MEI1: variants seen among roughly 807,000 people sequenced by gnomAD.
MEI1 encodes meiotic double-stranded break formation protein 1.
MEI1 carries 103 observed loss-of-function variants against 146.2 expected under a neutral mutation model. The ratio of observed to expected loss-of-function variants is 0.70; its 90% CI spans 0.60 to 0.83. The LOEUF is 0.83. Among genes scored for constraint, MEI1 ranks in the 40% least tolerant of loss-of-function variants. MEI1 has a pLI of 0.00. For synonymous variants in MEI1, 652 were observed against 628.2 expected (o/e 1.04, Z -0.57); for missense variants, 1,529 against 1,533.0 (o/e 1.00, Z 0.04).
At chr22:41,764,899 G>T (rs1257599750) in intron 19 of MEI1, among the ~76,000 whole-genome samples, 1 of 152,198 alleles carries the variant, frequency 6.6e-6, no homozygotes, top group Non-Finnish European at 1.5e-5. Context: ...TCCCGCATCA[G>T]TTAACTGTGT....
chr22:41,756,083 T>C (rs2074073663), intron 17 of MEI1, among the ~76,000 whole-genome samples: 1 of 152,212 alleles, frequency 6.6e-6, no homozygotes, highest in Non-Finnish European at 1.5e-5. Context: ...TGAAGTTTTC[T>C]CTGGTCCATG....
At chr22:41,717,994 G>A (rs1044864564) in intron 5 of MEI1, 77 bp from the exon 6 acceptor site, 25 of 1,193,738 alleles carry the variant, frequency 2.1e-5, no homozygotes, top group African/African-American at 1.2e-4. Context: ...TACCCCGTTA[G>A]GAATAATAGA....
At chr22:41,786,426 G>T (rs2075988749) in intron 26 of MEI1, among the ~76,000 whole-genome samples, 1 of 152,172 alleles carries the variant, frequency 6.6e-6, no homozygotes, top group African/African-American at 2.4e-5. Context: ...GTCAATACTG[G>T]CTTCAGGCAC....
intron 15 of MEI1, 108 bp from the exon 16 acceptor site, chr22:41,752,483 A>G (rs928572732): frequency 3.0e-6 from 3 of 1,006,800 alleles, no homozygotes; most frequent in Non-Finnish European, 3.1e-6. Context: ...TTTTGAACCA[A>G]GTCTGTGTAA....
intron 30 of MEI1, among the ~76,000 whole-genome samples, chr22:41,797,539 G>T (rs1385592820): frequency 6.6e-6 from 1 of 152,046 alleles, no homozygotes; most frequent in Admixed American, 6.6e-5. Flanking sequence ...TTGAACTTGG[G>T]CGGCAGAGGT....
rs200179873 is a variant in MEI1 at position 41,737,916 on chromosome 22, AT to A, written c.1332-5163del. Among the ~76,000 whole-genome samples, 124 of 151,674 alleles carry A rather than the reference AT, an allele frequency of 8.2e-4. 4 individuals are homozygous for A. In the South Asian group the frequency reaches 0.025, roughly 30 times the overall value. On this transcript the variant is annotated intron_variant, in intron 11 of 30. Coordinates refer to ENST00000401548, the MANE Select transcript of MEI1 (RefSeq NM_152513.4). Reference sequence around the variant, plus strand: ...AGCAAGGTGCTTGAAATCTTAAAAAATAATAATAATAACCGAGGAAACCCAT... The same window carrying A: ...AGCAAGGTGCTTGAAATCTTAAAAAAAATAATAATAACCGAGGAAACCCAT...
chr22:41,729,813 A>T, intron 8 of MEI1, 34 bp downstream of exon 8: 13 of 1,389,210 alleles, frequency 9.4e-6, no homozygotes, highest in Non-Finnish European at 1.3e-5. Flanking sequence ...TCCTCCCTAT[A>T]CTAGAAGGAT....
chr22:41,761,179 C>T (rs774162838), intron 18 of MEI1, among the ~76,000 whole-genome samples: 5 of 151,924 alleles, frequency 3.3e-5, no homozygotes, highest in South Asian at 2.1e-4. Context: ...AGTGTGGTGG[C>T]GAGCGTCTGT....
chr22:41,789,408 C>T (rs1037423111), intron 26 of MEI1, among the ~76,000 whole-genome samples: 10 of 152,234 alleles, frequency 6.6e-5, no homozygotes, highest in African/African-American at 1.9e-4. Flanking sequence ...AAGCAATCCT[C>T]TGGCTTTGGC....
At position 41,752,634 on chromosome 22, in the gene MEI1, G is replaced by C. The variant is rs1040527111; in HGVS notation, c.1836G>C (p.Arg612Ser). 3 of 1,598,010 alleles carry C rather than the reference G, an allele frequency of 1.9e-6. No individual in the cohort carries two copies. The highest frequency in any genetic ancestry group is 2.6e-6 in the Non-Finnish European group (3 of 1,172,516). ...FIRLTLELKA[R>S]FCSGLSHSAL... Reference sequence around the variant, plus strand: ...GACTGACCCTGGAGCTGAAGGCCAGGTTTTGCAGTGGTCTGAGGTATGTGT... The same window carrying C: ...GACTGACCCTGGAGCTGAAGGCCAGCTTTTGCAGTGGTCTGAGGTATGTGT... Residue 612 changes from arginine (R) to serine (S), a missense_variant, in exon 16 of 31, where the codon AGG becomes AGC. Arg to Ser is a moderately radical substitution (Grantham distance 110). Coordinates refer to ENST00000401548, the MANE Select transcript of MEI1 (RefSeq NM_152513.4).
rs1394076203 is a variant in MEI1 at position 41,752,577 on chromosome 22, C to T, written c.1793-14C>T. 6.3e-7 allele frequency: 1 copy of T among 1,589,436 alleles called. No homozygotes were observed. The highest frequency in any genetic ancestry group is 8.6e-7 in the Non-Finnish European group (1 of 1,167,612). On this transcript the variant is annotated splice_polypyrimidine_tract_variant and intron_variant, in intron 15 of 30. Transcript: ENST00000401548. Reference sequence around the variant, plus strand: ...GTTTAAACTGCTCTCTGCTTTATTCCCACTTCTCTGAAGCTTCCTCATCCT... The same window carrying T: ...GTTTAAACTGCTCTCTGCTTTATTCTCACTTCTCTGAAGCTTCCTCATCCT...
intron 6 of MEI1, among the ~76,000 whole-genome samples, chr22:41,720,945 G>C (rs1242007942): frequency 1.4e-5 from 2 of 147,564 alleles, no homozygotes; most frequent in East Asian, 4.1e-4. Flanking sequence ...CTAATTTTTT[G>C]AATTTTTTTT....
rs756061540 is a variant in MEI1, at chr22:41,770,881, G to A, written c.2464G>A (p.Gly822Arg). ...YEELDDVTSA[G>R]QPALPASLVV... Reference sequence around the variant, plus strand: ...GGAACTGGATGATGTCACCTCTGCTGGGCAGCCCGCCCTTCCTGCCAGCTT... The same window carrying A: ...GGAACTGGATGATGTCACCTCTGCTAGGCAGCCCGCCCTTCCTGCCAGCTT... Residue 822 changes from glycine to arginine, a missense_variant, in exon 20 of 31, where the codon GGG becomes AGG. Around this residue, in one of 3 missense-constraint regions of MEI1, gnomAD observed 1,212 missense variants for 1,178.9 expected, o/e 1.03. Coordinates refer to ENST00000401548, the MANE Select transcript of MEI1 (RefSeq NM_152513.4). The A allele has an allele frequency of 6.2e-7, 1 of 1,613,998 alleles. No homozygotes were observed. Among genetic ancestry groups the A allele is most frequent in the Non-Finnish European group, 8.5e-7 (1 of 1,179,896 alleles).
intron 3 of MEI1, among the ~76,000 whole-genome samples, chr22:41,707,959 A>T (rs1418528086): frequency 6.6e-6 from 1 of 152,218 alleles, no homozygotes; most frequent in African/African-American, 2.4e-5. Flanking sequence ...TTGGTGTCCA[A>T]ACACCCTTCT....
intron 11 of MEI1, among the ~76,000 whole-genome samples, chr22:41,736,518 G>A (rs1353107542): frequency 1.3e-5 from 2 of 152,054 alleles, no homozygotes; most frequent in African/African-American, 4.8e-5. Context: ...CTCTCAAAGG[G>A]CTGGGATTAC....
chr22:41,765,707 A>G (rs2074801791), intron 19 of MEI1, among the ~76,000 whole-genome samples: 1 of 151,966 alleles, frequency 6.6e-6, no homozygotes, highest in African/African-American at 2.4e-5. Flanking sequence ...CCACTTGAAA[A>G]TAATTTTCAG....
intron 21 of MEI1, among the ~76,000 whole-genome samples, chr22:41,777,256 A>G (rs958132055): frequency 2.0e-5 from 3 of 151,700 alleles, no homozygotes; most frequent in Admixed American, 6.6e-5. Flanking sequence ...CCTGGGTTCA[A>G]GTGATTCTTC....
chr22:41,757,432 A>G (rs1448118599), intron 17 of MEI1, among the ~76,000 whole-genome samples: 2 of 151,472 alleles, frequency 1.3e-5, no homozygotes, highest in African/African-American at 4.9e-5. Flanking sequence ...ATCTCAGCTC[A>G]CTGCAACCTC....
intron 19 of MEI1, among the ~76,000 whole-genome samples, chr22:41,767,046 C>T (rs1284382158): frequency 1.3e-5 from 2 of 152,158 alleles, no homozygotes; most frequent in Non-Finnish European, 2.9e-5. Flanking sequence ...CCTCCATGGT[C>T]ACTGAGGTCC....
Sources: gnomAD v4.1 joint callset for allele counts (sites outside exome capture counted in the v4.1 genomes callset) on GRCh38, gnomAD v4.1.1 for gene constraint, gnomAD v4.1.1 regional missense constraint, MANE v1.5 for transcripts, NCBI Gene and HGNC (gene_info 2026-07-23, HGNC 2026-07-21) for gene names.